DOCK5: variants seen among roughly 807,000 people sequenced by gnomAD.
DOCK5 encodes the protein dedicator of cytokinesis protein 5.
In DOCK5, 142 loss-of-function variants were observed where a neutral mutation model predicts 251.8. The observed-to-expected ratio is 0.56, with a 90% CI of 0.49 to 0.65. The LOEUF (loss-of-function observed/expected upper bound fraction) is 0.65, where lower values mean the gene tolerates loss of function less well. DOCK5 is among the 30% of genes least tolerant of loss of function. The pLI is 0.00. For missense variants in DOCK5, 2,111 were observed against 2,312.3 expected (o/e 0.91, Z 1.79); for synonymous variants, 842 against 835.5 (o/e 1.01, Z -0.13).
At chr8:25,226,881 G>A (rs1206217406) in intron 1 of DOCK5, among the ~76,000 whole-genome samples, 2 of 152,130 alleles carry the variant, frequency 1.3e-5, no homozygotes, top group Non-Finnish European at 1.5e-5. Context: ...CACCGCACCC[G>A]GCTCCTCCAT....
At chr8:25,294,954 A>G (rs766175224) in intron 6 of DOCK5, among the ~76,000 whole-genome samples, 1 of 152,128 alleles carries the variant, frequency 6.6e-6, no homozygotes, top group Non-Finnish European at 1.5e-5. Context: ...GTGTTAAACC[A>G]TTTATGAAGG....
chr8:25,397,147 G>A (rs1337410122), intron 45 of DOCK5, among the ~76,000 whole-genome samples: 2 of 151,870 alleles, frequency 1.3e-5, no homozygotes, highest in South Asian at 2.1e-4. Context: ...GCTTGAACCC[G>A]GGAGGTGGAG....
At chr8:25,217,645 T>C (rs1435688560) in intron 1 of DOCK5, among the ~76,000 whole-genome samples, 1 of 152,160 alleles carries the variant, frequency 6.6e-6, no homozygotes, top group Non-Finnish European at 1.5e-5. Flanking sequence ...GAACAATGTG[T>C]CAAAGTTGGT....
At chr8:25,266,695 C>T (rs1435467270) in intron 2 of DOCK5, among the ~76,000 whole-genome samples, 8 of 151,646 alleles carry the variant, frequency 5.3e-5, no homozygotes, top group Admixed American at 4.6e-4. Context: ...TGACAGTATA[C>T]GCTTAAAACT....
chr8:25,414,156 T>C lies in DOCK5; in HGVS notation c.*2858T>C, dbSNP rs1801674296. 6.6e-6 allele frequency: 1 copy of C among 152,122 alleles called. No individual in the cohort carries two copies. Among genetic ancestry groups the C allele is most frequent in the African/African-American group, 2.4e-5 (1 of 41,346 alleles). 9.4% of individuals were successfully genotyped at this position (152,122 alleles called of 1,614,324 possible). ...TTTGTTCTAGTGACTTGTCTTGCTTTAAGATTTTTTTTAAAGGATTGTTTT... is the reference window on the plus strand; with the variant it reads ...TTTGTTCTAGTGACTTGTCTTGCTTCAAGATTTTTTTTAAAGGATTGTTTT... On this transcript the variant is annotated 3_prime_UTR_variant, in exon 52 of 52. Transcript: ENST00000276440.
chr8:25,339,215 T>C (rs1805889370), intron 22 of DOCK5, among the ~76,000 whole-genome samples: 2 of 152,160 alleles, frequency 1.3e-5, no homozygotes. Context: ...ATCTCTCTTA[T>C]GAGCTCATTA....
chr8:25,329,535 T>C (rs1049682539), intron 18 of DOCK5, among the ~76,000 whole-genome samples: 3 of 152,212 alleles, frequency 2.0e-5, no homozygotes, highest in Admixed American at 6.5e-5. Flanking sequence ...TCAGCATTAC[T>C]GAAGATTTGA....
chr8:25,337,715 A>C (rs1328796077), intron 22 of DOCK5, among the ~76,000 whole-genome samples: 4 of 151,288 alleles, frequency 2.6e-5, no homozygotes, highest in African/African-American at 9.7e-5. Context: ...CCTCCCGAGT[A>C]GCTGGGACTA....
chr8:25,263,952 A>T (rs1803663398), intron 2 of DOCK5, among the ~76,000 whole-genome samples: 1 of 151,752 alleles, frequency 6.6e-6, no homozygotes, highest in African/African-American at 2.4e-5. Flanking sequence ...TCCTATACCA[A>T]AGACTACTGT....
intron 47 of DOCK5, among the ~76,000 whole-genome samples, chr8:25,402,420 C>T (rs569272150): frequency 5.9e-5 from 9 of 152,320 alleles, no homozygotes; most frequent in Admixed American, 5.2e-4. Flanking sequence ...CCTCAGCCTC[C>T]TGAGTAGCTG....
At chr8:25,334,661 G>A (rs1805758939) in intron 21 of DOCK5, among the ~76,000 whole-genome samples, 1 of 151,742 alleles carries the variant, frequency 6.6e-6, no homozygotes, top group African/African-American at 2.4e-5. Context: ...GCAGTGAGCT[G>A]TGATCATGCC....
rs1050473345 is a variant in DOCK5 at position 25,306,332 on chromosome 8, A to G, written c.1049+2005A>G. Among the ~76,000 whole-genome samples, 5 of 152,304 alleles carry G rather than the reference A, an allele frequency of 3.3e-5. No homozygotes were observed. The East Asian group carries it at 7.7e-4, about 23-fold the overall frequency. On this transcript the variant is annotated intron_variant, in intron 11 of 51. Transcript: ENST00000276440. Reference sequence around the variant, plus strand: ...TGAATGCTGCTCTTGTTTTGTGCATAATATAAAACACTGCATGCACATACC... The same window carrying G: ...TGAATGCTGCTCTTGTTTTGTGCATGATATAAAACACTGCATGCACATACC...
intron 23 of DOCK5, among the ~76,000 whole-genome samples, chr8:25,341,430 T>G (rs1344834740): frequency 6.6e-6 from 1 of 152,206 alleles, no homozygotes; most frequent in Non-Finnish European, 1.5e-5. Context: ...ATTTATTTTT[T>G]GCTCTTTATG....
At chr8:25,284,683 C>T (rs1173755705) in intron 5 of DOCK5, among the ~76,000 whole-genome samples, 6 of 152,344 alleles carry the variant, frequency 3.9e-5, no homozygotes, top group South Asian at 4.1e-4. Flanking sequence ...GCTAGATGGG[C>T]GGATGCCCAT....
intron 5 of DOCK5, among the ~76,000 whole-genome samples, chr8:25,279,021 T>C (rs1804117405): frequency 6.6e-6 from 1 of 152,218 alleles, no homozygotes; most frequent in Non-Finnish European, 1.5e-5. Flanking sequence ...TTATTATTAA[T>C]TTGTTAATAA....
chr8:25,309,044 G>A (rs1805022017), intron 12 of DOCK5, 119 bp downstream of exon 12: 2 of 1,380,940 alleles, frequency 1.4e-6, no homozygotes, highest in Non-Finnish European at 1.9e-6. Flanking sequence ...CTCTGCTGGG[G>A]ACCATCCCCC....
In DOCK5 at chr8:25,351,771, T is replaced by C; in HGVS notation, c.2795T>C (p.Leu932Pro). 3 of 1,613,894 alleles carry C rather than the reference T, an allele frequency of 1.9e-6. No homozygotes were observed. Among genetic ancestry groups the C allele is most frequent in the Non-Finnish European group, 2.5e-6 (3 of 1,179,856 alleles). ...CACATTCAGCTTATAATGGAACGGC[T>C]GCTGAGAAGGATCAACCGGACAGTG... is the stretch of plus-strand genomic sequence containing the variant. ...AVHIQLIMER[L>P]LRRINRTVIG... Residue 932 changes from leucine (L) to proline (P), a missense_variant, in exon 27 of 52, where the codon CTG becomes CCG. Around this residue, in one of 3 missense-constraint regions of DOCK5, gnomAD observed 1,717 missense variants for 1,892.4 expected, o/e 0.91. Coordinates refer to ENST00000276440, the MANE Select transcript of DOCK5 (RefSeq NM_024940.8).
intron 1 of DOCK5, among the ~76,000 whole-genome samples, chr8:25,243,133 G>C (rs1465674690): frequency 2.0e-5 from 3 of 152,000 alleles, no homozygotes; most frequent in Admixed American, 6.5e-5. Context: ...AGTTCCCTGG[G>C]GACAGGGGCC....
rs141362225 is a variant in DOCK5 at position 25,345,555 on chromosome 8, G to A, written c.2698G>A (p.Glu900Lys). The change falls in exon 26 of 52, where the codon GAG becomes AAG. Residue 900 changes from glutamate (E) to lysine (K), a missense_variant. Around this residue, in one of 3 missense-constraint regions of DOCK5, gnomAD observed 1,717 missense variants for 1,892.4 expected, o/e 0.91. Coordinates refer to ENST00000276440, the MANE Select transcript of DOCK5 (RefSeq NM_024940.8). ...TGACAACTCCAACAAGCCTGACCAC[G>A]AGGCAAGCTCGCAGCTTCTGAGCAA... is the stretch of plus-strand genomic sequence containing the variant. The part of the protein sequence containing the change: ...LDDNSNKPDH[E>K]ASSQLLSNIL... 386 of 1,613,942 alleles carry A rather than the reference G, an allele frequency of 2.4e-4. No homozygotes were observed. The Middle Eastern group carries it at 3.8e-3, about 16-fold the overall frequency.
Sources: gnomAD v4.1 joint callset for allele counts (sites outside exome capture counted in the v4.1 genomes callset) on GRCh38, gnomAD v4.1.1 for gene constraint, gnomAD v4.1.1 regional missense constraint, MANE v1.5 for transcripts, NCBI Gene and HGNC (gene_info 2026-07-23, HGNC 2026-07-21) for gene names.